The following PRKCB variants were observed in gnomAD, a reference collection of about 807,000 sequenced individuals.
PRKCB encodes the protein protein kinase C beta.
Under a neutral mutation model 81.5 loss-of-function variants are expected in PRKCB, and 13 were observed. The ratio of observed to expected loss-of-function variants is 0.16; its 90% CI spans 0.10 to 0.25. The LOEUF (loss-of-function observed/expected upper bound fraction) is 0.25, where lower values mean the gene tolerates loss of function less well. Among genes scored for constraint, PRKCB ranks in the 10% least tolerant of loss-of-function variants. The pLI, the probability that PRKCB is intolerant of heterozygous loss-of-function variation, is 1.00. For missense variants in PRKCB, 509 were observed against 875.7 expected (o/e 0.58, Z 5.29); for synonymous variants, 335 against 321.4 (o/e 1.04, Z -0.45).
chr16:24,201,946 G>A (rs1967963627), intron 16 of PRKCB, among the ~76,000 whole-genome samples: 1 of 151,486 alleles, frequency 6.6e-6, no homozygotes, highest in Non-Finnish European at 1.5e-5. Context: ...TGAGGCAGGA[G>A]AATGGCGTGA....
At chr16:24,007,683 C>T (rs1224226459) in intron 3 of PRKCB, among the ~76,000 whole-genome samples, 2 of 152,230 alleles carry the variant, frequency 1.3e-5, no homozygotes, top group African/African-American at 2.4e-5. Flanking sequence ...GCTGCTGGGA[C>T]TTGAATGAAG....
chr16:24,041,126 TG>T (rs1462543349), intron 5 of PRKCB, among the ~76,000 whole-genome samples: 4 of 151,616 alleles, frequency 2.6e-5, no homozygotes, highest in Non-Finnish European at 5.9e-5. Flanking sequence ...CTCAGCTCAC[TG>T]CAACCTCCCC....
At chr16:23,851,203 C>A (rs966512362) in intron 2 of PRKCB, among the ~76,000 whole-genome samples, 3 of 152,116 alleles carry the variant, frequency 2.0e-5, no homozygotes, top group African/African-American at 7.2e-5. Flanking sequence ...TTTTCTCTAG[C>A]AGTTTTATAG....
chr16:24,173,965 T>C (rs965469715), intron 11 of PRKCB, among the ~76,000 whole-genome samples: 2 of 152,168 alleles, frequency 1.3e-5, no homozygotes, highest in Non-Finnish European at 2.9e-5. Context: ...GCTGCTATTG[T>C]TAAGATAATT....
At chr16:24,158,547 T>A (rs55715242) in intron 10 of PRKCB, among the ~76,000 whole-genome samples, 57 of 127,736 alleles carry the variant, frequency 4.5e-4, no homozygotes, top group African/African-American at 1.4e-3. Context: ...TATAAGTATA[T>A]GTATATGTAT....
At chr16:24,053,398 G>C (rs1184808607) in intron 5 of PRKCB, among the ~76,000 whole-genome samples, 1 of 152,232 alleles carries the variant, frequency 6.6e-6, no homozygotes, top group Non-Finnish European at 1.5e-5. Context: ...AGTGGCCACA[G>C]TGTGCCAATG....
chr16:23,882,025 C>CTTTCTTTCT (rs1597226197), intron 2 of PRKCB, among the ~76,000 whole-genome samples: 9 of 18,322 alleles, frequency 4.9e-4, no homozygotes, highest in Non-Finnish European at 7.1e-4. Flanking sequence ...TTTCTTTCTT[C>CTTTCTTTCT]CTTCCTTCCT....
intron 3 of PRKCB, among the ~76,000 whole-genome samples, chr16:24,003,386 GTTTT>G (rs35881842): frequency 7.6e-6 from 1 of 130,830 alleles, no homozygotes. Flanking sequence ...TCCTGCATTC[GTTTT>G]TTTTTTTTTT....
chr16:24,196,729 G>C (rs1040369589), intron 16 of PRKCB, among the ~76,000 whole-genome samples: 2 of 152,232 alleles, frequency 1.3e-5, no homozygotes, highest in Admixed American at 1.3e-4. Flanking sequence ...TGGGGCCAGG[G>C]ACTCCACCTT....
chr16:24,022,535 A>G (rs1965417781), intron 3 of PRKCB, among the ~76,000 whole-genome samples: 1 of 151,994 alleles, frequency 6.6e-6, no homozygotes, highest in Admixed American at 6.6e-5. Context: ...TCTGTTGCCC[A>G]GGCTGGAGTG....
intron 2 of PRKCB, among the ~76,000 whole-genome samples, chr16:23,872,388 G>T (rs1326618085): frequency 6.6e-6 from 1 of 152,172 alleles, no homozygotes. Context: ...TGGTGCGGTC[G>T]TGTGCACCTG....
chr16:23,874,779 C>G (rs1397053374), intron 2 of PRKCB, among the ~76,000 whole-genome samples: 1 of 152,170 alleles, frequency 6.6e-6, no homozygotes, highest in Non-Finnish European at 1.5e-5. Flanking sequence ...TTTGGCAGCC[C>G]TCTCAGACTG....
intron 5 of PRKCB, among the ~76,000 whole-genome samples, chr16:24,078,702 G>T (rs1365757228): frequency 6.6e-6 from 1 of 152,162 alleles, no homozygotes; most frequent in East Asian, 1.9e-4. Flanking sequence ...TAAGAGACTG[G>T]GCTTGTGAGA....
At chr16:23,879,959 A>T (rs1597224723) in intron 2 of PRKCB, among the ~76,000 whole-genome samples, 1 of 152,290 alleles carries the variant, frequency 6.6e-6, no homozygotes, top group East Asian at 1.9e-4. Flanking sequence ...GCAAAATGGG[A>T]TTAATAAAAA....
chr16:24,065,493 C>A (rs191572955), intron 5 of PRKCB, among the ~76,000 whole-genome samples: 2 of 152,030 alleles, frequency 1.3e-5, no homozygotes, highest in Non-Finnish European at 1.5e-5. Context: ...TCCTGTTTAC[C>A]CCATCCTACC....
chr16:24,031,943 C>G, intron 3 of PRKCB, 193 bp from the exon 4 acceptor site: 1 of 495,774 alleles, frequency 2.0e-6, no homozygotes, highest in East Asian at 3.4e-5. Flanking sequence ...TGTCTTTGTC[C>G]TTCATTCCTT....
At chr16:23,884,650 T>C (rs1243552956) in intron 2 of PRKCB, among the ~76,000 whole-genome samples, 2 of 152,150 alleles carry the variant, frequency 1.3e-5, no homozygotes, top group African/African-American at 4.8e-5. Flanking sequence ...TCCTCCCACC[T>C]CAGCCTCCTA....
In PRKCB at chr16:24,174,539, C is replaced by T. The variant is rs770067840; in HGVS notation, c.1353C>T (p.Ala451=). 9 of 1,612,424 alleles carry T rather than the reference C, an allele frequency of 5.6e-6. No homozygotes were observed. The East Asian group carries it at 2.0e-4, about 36-fold the overall frequency. The part of the protein sequence containing the change: ...PHAVFYAAEI[A]IGLFFLQSKG... ...TCAGATTTTACGCTGCAGAAATTGC[C>T]ATCGGTCTGTTCTTCTTACAGAGTA... The change falls in exon 12 of 17, where the codon GCC becomes GCT. Residue 451 remains alanine (A), a synonymous_variant. Transcript: ENST00000643927.
intron 3 of PRKCB, among the ~76,000 whole-genome samples, chr16:23,997,420 T>G (rs551186196): frequency 6.6e-6 from 1 of 152,158 alleles, no homozygotes; most frequent in Non-Finnish European, 1.5e-5. Context: ...CCCTGCCAGG[T>G]AAGGAACCAC....
Sources: gnomAD v4.1 joint callset for allele counts (sites outside exome capture counted in the v4.1 genomes callset) on GRCh38, gnomAD v4.1.1 for gene constraint, MANE v1.5 for transcripts, NCBI Gene and HGNC (gene_info 2026-07-23, HGNC 2026-07-21) for gene names.